The following FERRY3 variants were observed in gnomAD, a reference collection of about 807,000 sequenced individuals.
The protein encoded by FERRY3 is FERRY endosomal RAB5 effector complex subunit 3.
At chr12:4,534,067 A>T in the FERRY3 span, 126 of 1,357,790 alleles carry the variant, frequency 9.3e-5, no homozygotes, top group Non-Finnish European at 1.1e-4. Flanking sequence ...AAAGGATCTT[A>T]TAACGATTTC....
chr12:4,525,109 G>T, the FERRY3 span: 1 of 966,140 alleles, frequency 1.0e-6, no homozygotes. Flanking sequence ...TAATGCAAAA[G>T]GTGGTAAAAG....
the FERRY3 span, chr12:4,534,332 A>G: frequency 6.4e-7 from 1 of 1,566,476 alleles, no homozygotes; most frequent in Non-Finnish European, 8.6e-7. Flanking sequence ...CACCATCGTC[A>G]GCAAAATCCA....
the FERRY3 span, chr12:4,518,914 G>T: frequency 1.4e-6 from 2 of 1,379,850 alleles, no homozygotes; most frequent in Non-Finnish European, 2.0e-6. Context: ...ATACTTTTAT[G>T]TTTGTCAAAA....
chr12:4,529,963 A>C, the FERRY3 span: 1 of 1,613,618 alleles, frequency 6.2e-7, no homozygotes, highest in African/African-American at 1.3e-5. Flanking sequence ...AGAGTTTCAG[A>C]GGCAGGAGAA....
At chr12:4,526,027 C>T in the FERRY3 span, among the ~76,000 whole-genome samples, 1 of 152,138 alleles carries the variant, frequency 6.6e-6, no homozygotes, top group Non-Finnish European at 1.5e-5. Flanking sequence ...CAGAAGCAGA[C>T]AATTAGATCC....
chr12:4,490,525 T>A, the FERRY3 span: 4 of 1,600,532 alleles, frequency 2.5e-6, no homozygotes, highest in South Asian at 4.4e-5. Flanking sequence ...AACATACCTG[T>A]GGTACTAGAA....
the FERRY3 span, chr12:4,517,197 A>T: frequency 6.6e-7 from 1 of 1,525,718 alleles, no homozygotes; most frequent in Non-Finnish European, 8.8e-7. Flanking sequence ...AATCTAAGGG[A>T]CCCAAAACAT....
the FERRY3 span, among the ~76,000 whole-genome samples, chr12:4,519,133 T>G: frequency 6.6e-6 from 1 of 152,204 alleles, no homozygotes; most frequent in Non-Finnish European, 1.5e-5. This position sits in a 1 kb window ranked among gnomAD's most constrained non-coding sequence, Gnocchi z 4.3. Context: ...ATTAATATAT[T>G]GCCATTTAAC....
the FERRY3 span, among the ~76,000 whole-genome samples, chr12:4,506,609 A>G: frequency 1.3e-5 from 2 of 152,204 alleles, no homozygotes; most frequent in African/African-American, 4.8e-5. Context: ...GAGTATGAAC[A>G]AATAGAATCT....
chr12:4,509,840 T>C, the FERRY3 span, among the ~76,000 whole-genome samples: 5,630 of 118,796 alleles, frequency 0.047, 877 homozygotes, highest in African/African-American at 0.19. Flanking sequence ...ACGCAGAGCG[T>C]CTCTCCTCCT....
the FERRY3 span, chr12:4,530,109 T>C: frequency 1.3e-6 from 2 of 1,485,908 alleles, no homozygotes; most frequent in Non-Finnish European, 1.8e-6. Context: ...TTTAACACAC[T>C]ACTAGAAAAG....
At chr12:4,536,251 A>G in the FERRY3 span, 2 of 1,233,262 alleles carry the variant, frequency 1.6e-6, no homozygotes, top group Non-Finnish European at 2.2e-6. Flanking sequence ...ATAAGTCCAT[A>G]AAGAAATTAT....
chr12:4,514,794 C>G, the FERRY3 span, among the ~76,000 whole-genome samples: 1 of 151,366 alleles, frequency 6.6e-6, no homozygotes, highest in African/African-American at 2.4e-5. Context: ...TGCTAGATGA[C>G]GAGTTAGTGG....
the FERRY3 span, chr12:4,500,222 T>A: frequency 6.2e-7 from 1 of 1,613,940 alleles, no homozygotes; most frequent in African/African-American, 1.3e-5. Context: ...TATTTCGGAG[T>A]CCCATAATGG....
At chr12:4,498,444 C>T in the FERRY3 span, among the ~76,000 whole-genome samples, 1 of 152,060 alleles carries the variant, frequency 6.6e-6, no homozygotes, top group African/African-American at 2.4e-5. Context: ...AATGTTTGTC[C>T]ATCTCTCTTG....
At chr12:4,513,400 G>C in the FERRY3 span, among the ~76,000 whole-genome samples, 2 of 151,758 alleles carry the variant, frequency 1.3e-5, no homozygotes, top group African/African-American at 2.4e-5. Context: ...CTACTTTAAA[G>C]TTCATATGGA....
chr12:4,495,391 T>C, the FERRY3 span, among the ~76,000 whole-genome samples: 1 of 152,144 alleles, frequency 6.6e-6, no homozygotes, highest in East Asian at 1.9e-4. Flanking sequence ...TTTTTAAATA[T>C]AAAAAAGCAT....
the FERRY3 span, among the ~76,000 whole-genome samples, chr12:4,495,784 A>G: frequency 1.3e-5 from 2 of 152,184 alleles, no homozygotes; most frequent in African/African-American, 4.8e-5. Context: ...GATTAATAGC[A>G]TGGTCTAGAG....
chr12:4,518,034 T>C, the FERRY3 span: 2 of 1,581,122 alleles, frequency 1.3e-6, no homozygotes, highest in East Asian at 4.5e-5. Context: ...TTTAACAAAA[T>C]AAATGTGTAT....
Sources: gnomAD v4.1 joint callset for allele counts (sites outside exome capture counted in the v4.1 genomes callset) on GRCh38, gnomAD v4.1.1 for gene constraint, Gnocchi (gnomAD v3.1) non-coding constraint, MANE v1.5 for transcripts, NCBI Gene and HGNC (gene_info 2026-07-23, HGNC 2026-07-21) for gene names.